FRMPD4: variants seen among roughly 807,000 people sequenced by gnomAD.
The protein encoded by FRMPD4 is FERM and PDZ domain-containing protein 4.
Under a neutral mutation model 94.1 loss-of-function variants are expected in FRMPD4, and 22 were observed. That is an observed-to-expected ratio of 0.23 (90% CI 0.17 to 0.33). The LOEUF is 0.33. Among genes scored for constraint, FRMPD4 ranks in the 10% least tolerant of loss-of-function variants. The pLI is 1.00. For missense variants in FRMPD4, 1,111 were observed against 1,339.9 expected (o/e 0.83, Z 2.67); for synonymous variants, 631 against 548.6 (o/e 1.15, Z -2.10).
intron 1 of FRMPD4, among the ~76,000 whole-genome samples, chrX:12,226,262 GC>G (rs1308465476): frequency 9.0e-6 from 1 of 110,847 alleles, no homozygotes; most frequent in Non-Finnish European, 1.9e-5. Context: ...GTGCCACCAT[GC>G]CCAGCTAATG....
At chrX:11,923,044 G>T (rs1335216553) in intron 3 of FRMPD4, among the ~76,000 whole-genome samples, 1 of 112,828 alleles carries the variant, frequency 8.9e-6, no homozygotes, top group Non-Finnish European at 1.9e-5. Flanking sequence ...GCTCCAGTGA[G>T]GTAGCCCCTT....
At chrX:12,492,589 T>G (rs2057804195) in intron 1 of FRMPD4, among the ~76,000 whole-genome samples, 1 of 112,180 alleles carries the variant, frequency 8.9e-6, no homozygotes, top group Admixed American at 9.5e-5. Flanking sequence ...AGGCTTGGCA[T>G]TAATATTTAA....
chrX:11,974,580 A>G (rs1480147165), intron 3 of FRMPD4, among the ~76,000 whole-genome samples: 2 of 112,391 alleles, frequency 1.8e-5, no homozygotes, highest in East Asian at 5.5e-4. Flanking sequence ...ATAATCAGAA[A>G]CCAGATGATT....
chrX:12,432,224 A>G (rs376649236), intron 1 of FRMPD4, among the ~76,000 whole-genome samples: 1 of 112,171 alleles, frequency 8.9e-6, no homozygotes, highest in South Asian at 3.8e-4. Context: ...AAAAACTAGA[A>G]GCCCCCACTT....
chrX:12,217,560 C>T (rs1260284795), intron 1 of FRMPD4, among the ~76,000 whole-genome samples: 1 of 112,033 alleles, frequency 8.9e-6, no homozygotes, highest in Non-Finnish European at 1.9e-5. Flanking sequence ...GCTTGATACT[C>T]TTAATTGGCA....
intron 4 of FRMPD4, among the ~76,000 whole-genome samples, chrX:12,666,351 G>A (rs1230233739): frequency 1.8e-5 from 2 of 111,236 alleles, no homozygotes; most frequent in Non-Finnish European, 3.8e-5. Context: ...ACACCCCACT[G>A]TCAGTAGTAG....
In FRMPD4 at chrX:12,308,022, T is replaced by G. The variant is rs1013469450; in HGVS notation, c.41+169010T>G. Among the ~76,000 whole-genome samples, 4 of 111,900 alleles carry G rather than the reference T, an allele frequency of 3.6e-5. No individual in the cohort carries two copies. The Admixed American group carries it at 3.8e-4, about 11-fold the overall frequency. ...TGATCACAGTATGTTGGGCACCATATATTTGGAATGACCATTTGATTTTCA... is the reference window on the plus strand; with the variant it reads ...TGATCACAGTATGTTGGGCACCATAGATTTGGAATGACCATTTGATTTTCA... On this transcript the variant is annotated intron_variant, in intron 1 of 16. Coordinates refer to ENST00000675598, the MANE Select transcript of FRMPD4 (RefSeq NM_001368397.1).
At chrX:12,535,891 CA>C (rs1463224573) in intron 2 of FRMPD4, among the ~76,000 whole-genome samples, 1 of 110,208 alleles carries the variant, frequency 9.1e-6, no homozygotes, top group Non-Finnish European at 1.9e-5. Flanking sequence ...GATAAAGGGA[CA>C]AAAGGTATGT....
rs750482956 is a variant in FRMPD4, at chrX:11,867,392, G to A, written c.-30+2176G>A. On this transcript the variant is annotated intron_variant, in intron 2 of 18. Transcript: ENST00000640291. ...AGCCAATTGTATTCACTTAGTTACAGCTAGATAATATAATCTGTGAATTCA... is the reference window on the plus strand; with the variant it reads ...AGCCAATTGTATTCACTTAGTTACAACTAGATAATATAATCTGTGAATTCA... Among the ~76,000 whole-genome samples the A allele has an allele frequency of 6.3e-5, 7 of 111,387 alleles. No individual in the cohort carries two copies. The South Asian group carries it at 1.9e-3, about 30-fold the overall frequency.
rs1165520477 is a variant in FRMPD4 at position 12,716,412 on chromosome X, G to A, written c.1953G>A (p.Val651=). Residue 651 remains valine, a synonymous_variant, in exon 15 of 17, where the codon GTG becomes GTA. Transcript: ENST00000675598. ...AGGAATCTCCGAGAGGAGCTAAAGTGTCCTTTATTTTTGGAGACTTCGCCT... is the reference window on the plus strand; with the variant it reads ...AGGAATCTCCGAGAGGAGCTAAAGTATCCTTTATTTTTGGAGACTTCGCCT... ...KAQESPRGAK[V]SFIFGDFALD... The A allele has an allele frequency of 5.8e-6, 7 of 1,207,853 alleles. No individual in the cohort carries two copies. In the African/African-American group the frequency reaches 1.2e-4, roughly 21 times the overall value.
At chrX:12,242,571 G>C (rs2053893460) in intron 1 of FRMPD4, among the ~76,000 whole-genome samples, 1 of 112,064 alleles carries the variant, frequency 8.9e-6, no homozygotes, top group Non-Finnish European at 1.9e-5. Context: ...TGCATTTGTG[G>C]GCTTGGGTGC....
chrX:12,216,155 T>C (rs2056804827), intron 1 of FRMPD4, among the ~76,000 whole-genome samples: 1 of 112,060 alleles, frequency 8.9e-6, no homozygotes, highest in Non-Finnish European at 1.9e-5. Flanking sequence ...AGGGAATTTA[T>C]GGGTCAGGAA....
At chrX:12,419,760 C>G in intron 1 of FRMPD4, among the ~76,000 whole-genome samples, 1 of 111,499 alleles carries the variant, frequency 9.0e-6, no homozygotes, top group Non-Finnish European at 1.9e-5. Context: ...TGTTCTTGAC[C>G]GTTCTTCTGG....
At chrX:11,837,208 A>C (rs2053505910) in intron 1 of FRMPD4, among the ~76,000 whole-genome samples, 1 of 96,314 alleles carries the variant, frequency 1.0e-5, no homozygotes, top group African/African-American at 3.8e-5. Flanking sequence ...ACTATGAATT[A>C]TATTACTGAC....
intron 1 of FRMPD4, among the ~76,000 whole-genome samples, chrX:12,369,372 C>T (rs1002904908): frequency 5.4e-5 from 6 of 110,194 alleles, no homozygotes; most frequent in African/African-American, 1.6e-4. Context: ...ATTTAACTAA[C>T]GCGGGCCTCC....
intron 3 of FRMPD4, among the ~76,000 whole-genome samples, chrX:12,044,987 CAA>C (rs2054777957): frequency 8.9e-6 from 1 of 112,087 alleles, no homozygotes; most frequent in Non-Finnish European, 1.9e-5. Flanking sequence ...GCCTGTGGGC[CAA>C]ATCTGACTCA....
At chrX:12,450,785 C>T (rs1321888799) in intron 1 of FRMPD4, among the ~76,000 whole-genome samples, 1 of 104,837 alleles carries the variant, frequency 9.5e-6, no homozygotes, top group African/African-American at 3.5e-5. Context: ...TTGATGGGGA[C>T]CTTCTATGCC....
intron 1 of FRMPD4, among the ~76,000 whole-genome samples, chrX:11,845,041 A>G (rs1231087226): frequency 4.5e-5 from 5 of 112,266 alleles, no homozygotes; most frequent in African/African-American, 1.6e-4. Context: ...CAGAATTTCC[A>G]TCTGGATATA....
At chrX:11,945,849 G>A (rs184680836) in intron 3 of FRMPD4, among the ~76,000 whole-genome samples, 38 of 111,736 alleles carry the variant, frequency 3.4e-4, no homozygotes, top group Middle Eastern at 4.6e-3. Context: ...ACACTTCAAC[G>A]TGAGATTTGG....
Sources: gnomAD v4.1 joint callset for allele counts (sites outside exome capture counted in the v4.1 genomes callset) on GRCh38, gnomAD v4.1.1 for gene constraint, MANE v1.5 for transcripts, NCBI Gene and HGNC (gene_info 2026-07-23, HGNC 2026-07-21) for gene names.